SLC25A21: variants seen among roughly 807,000 people sequenced by gnomAD.
SLC25A21 encodes mitochondrial 2-oxodicarboxylate carrier.
A neutral mutation model predicts 43.8 loss-of-function variants in SLC25A21; 47 were observed. The ratio of observed to expected loss-of-function variants is 1.07; its 90% CI spans 0.85 to 1.37. SLC25A21 has a LOEUF of 1.37. Among genes scored for constraint, SLC25A21 ranks in the 40% most tolerant of loss-of-function variants. SLC25A21 has a pLI of 0.00. For missense variants in SLC25A21, 352 were observed against 350.2 expected, an observed-to-expected ratio of 1.00 and a Z score of -0.04; for synonymous variants, 131 against 121.3, an observed-to-expected ratio of 1.08 and a Z score of -0.52.
Position 36,679,762 on chromosome 14 carries a change from G to GTATT in SLC25A21, c.*892_*895dup, listed in dbSNP as rs1555318199. The GTATT allele has an allele frequency of 8.1e-6, 8 of 985,346 alleles. No homozygotes were observed. Among genetic ancestry groups the GTATT allele is most frequent in the Non-Finnish European group, 9.6e-6 (8 of 829,852 alleles). The allele number at this position is 985,346 out of a possible 1,614,324, so 61.0% of individuals were successfully genotyped here. A position where few individuals can be genotyped will look rare whatever the true frequency, so the allele number is the denominator to read the frequency against. On this transcript the variant is annotated 3_prime_UTR_variant, in exon 10 of 10. Coordinates refer to ENST00000331299, the MANE Select transcript of SLC25A21 (RefSeq NM_030631.4). Reference sequence around the variant, plus strand: ...GCACAGGTAGGCATGCTGAATAAAGGTATTTGGATGCAAATACTGATGGCT... The same window carrying GTATT: ...GCACAGGTAGGCATGCTGAATAAAGGTATTTATTTGGATGCAAATACTGATGGCT...
At chr14:36,980,001 G>A (rs991837427) in intron 1 of SLC25A21, among the ~76,000 whole-genome samples, 3 of 152,180 alleles carry the variant, frequency 2.0e-5, no homozygotes, top group African/African-American at 7.2e-5. Flanking sequence ...ACCTAGTCCA[G>A]TGCTTCAATG....
intron 1 of SLC25A21, among the ~76,000 whole-genome samples, chr14:37,121,916 C>T (rs78484366): frequency 0.057 from 8,620 of 152,208 alleles, 830 homozygotes; most frequent in African/African-American, 0.2. Flanking sequence ...AGAACCATCT[C>T]GTGAGAGTCC....
At chr14:36,846,780 G>A (rs1889559105) in intron 2 of SLC25A21, among the ~76,000 whole-genome samples, 1 of 152,188 alleles carries the variant, frequency 6.6e-6, no homozygotes, top group Non-Finnish European at 1.5e-5. Flanking sequence ...TCTAGTCCTG[G>A]TGACACAGGA....
At chr14:36,768,933 C>CAAAA (rs3061623) in intron 3 of SLC25A21, among the ~76,000 whole-genome samples, 39 of 126,088 alleles carry the variant, frequency 3.1e-4, no homozygotes, top group African/African-American at 7.9e-4. Context: ...CTGTCTCTAC[C>CAAAA]AAAAAAAAAA....
intron 1 of SLC25A21, among the ~76,000 whole-genome samples, chr14:36,893,266 C>T (rs185361887): frequency 1.8e-3 from 267 of 152,210 alleles, no homozygotes; most frequent in African/African-American, 6.1e-3. Context: ...TGATATCTCA[C>T]TGTGGTTTTG....
At chr14:37,022,003 C>T (rs985335687) in intron 1 of SLC25A21, among the ~76,000 whole-genome samples, 9 of 151,526 alleles carry the variant, frequency 5.9e-5, no homozygotes, top group African/African-American at 2.2e-4. Context: ...CAAAGGTGTG[C>T]CAGGGGCATT....
At chr14:36,932,061 A>G (rs1159731598) in intron 1 of SLC25A21, among the ~76,000 whole-genome samples, 2 of 152,102 alleles carry the variant, frequency 1.3e-5, no homozygotes, top group Non-Finnish European at 2.9e-5. Flanking sequence ...AGAGTCATTT[A>G]ATCTTTCTGT....
At chr14:36,856,370 C>A (rs528256310) in intron 2 of SLC25A21, among the ~76,000 whole-genome samples, 13 of 152,276 alleles carry the variant, frequency 8.5e-5, no homozygotes, top group African/African-American at 2.9e-4. Flanking sequence ...AGCGGTCAGG[C>A]CAGTCCTGAT....
chr14:37,138,268 C>T (rs1185479899), intron 1 of SLC25A21, among the ~76,000 whole-genome samples: 2 of 152,094 alleles, frequency 1.3e-5, no homozygotes, highest in Admixed American at 1.3e-4. Context: ...AGAAAAACAA[C>T]AAACACTAGT....
intron 1 of SLC25A21, among the ~76,000 whole-genome samples, chr14:37,072,179 C>CAA (rs36060373): frequency 0.073 from 5,723 of 78,756 alleles, 396 homozygotes; most frequent in African/African-American, 0.14. Flanking sequence ...GAGACTGTCT[C>CAA]AAAAAAAAAA....
chr14:36,735,504 C>T (rs145862929), intron 3 of SLC25A21, among the ~76,000 whole-genome samples: 910 of 90,208 alleles, frequency 0.01, 10 homozygotes, highest in African/African-American at 0.042. Flanking sequence ...ATCCAGCTAA[C>T]ATGGGGCTGC....
At chr14:36,899,578 G>A (rs1313285342) in intron 1 of SLC25A21, among the ~76,000 whole-genome samples, 1 of 152,222 alleles carries the variant, frequency 6.6e-6, no homozygotes, top group South Asian at 2.1e-4. Context: ...AGCTGCATCT[G>A]AGGTTTCTCT....
chr14:36,868,784 ACCTCTGCAAGCCTGGTTT>A (rs1218980568), intron 2 of SLC25A21, among the ~76,000 whole-genome samples: 1 of 152,128 alleles, frequency 6.6e-6, no homozygotes, highest in African/African-American at 2.4e-5. Context: ...GAAGGGGCTG[ACCTCTGCAAGCCTGGTTT>A]CCCAGACTTC....
intron 2 of SLC25A21, among the ~76,000 whole-genome samples, chr14:36,838,710 G>A (rs934544054): frequency 6.6e-6 from 1 of 152,184 alleles, no homozygotes; most frequent in African/African-American, 2.4e-5. Flanking sequence ...CAGTATCACA[G>A]AGCTACTACT....
chr14:36,723,447 G>C (rs540004776), intron 6 of SLC25A21, among the ~76,000 whole-genome samples: 2 of 152,266 alleles, frequency 1.3e-5, no homozygotes, highest in East Asian at 3.9e-4. Context: ...GCATCTAATT[G>C]ATTTTATTCT....
At chr14:37,020,372 T>C (rs1960958317) in intron 1 of SLC25A21, among the ~76,000 whole-genome samples, 1 of 151,454 alleles carries the variant, frequency 6.6e-6, no homozygotes. Flanking sequence ...GCAAAATACA[T>C]GAAACTTAGT....
At chr14:36,961,431 G>A (rs1444857619) in intron 1 of SLC25A21, among the ~76,000 whole-genome samples, 1 of 152,136 alleles carries the variant, frequency 6.6e-6, no homozygotes, top group Admixed American at 6.5e-5. Context: ...TGTTTTTAAT[G>A]AAGGACATCC....
At chr14:36,958,562 A>G (rs17177940) in intron 1 of SLC25A21, among the ~76,000 whole-genome samples, 2,476 of 152,276 alleles carry the variant, frequency 0.016, 30 homozygotes, top group Middle Eastern at 0.037. Context: ...TTCCTTGTGG[A>G]AACTAGCCTT....
chr14:36,791,894 C>A (rs551488856), intron 3 of SLC25A21, among the ~76,000 whole-genome samples: 2 of 152,148 alleles, frequency 1.3e-5, no homozygotes, highest in South Asian at 4.1e-4. Flanking sequence ...CGGGAGGCTT[C>A]TGGGAGCCAA....
Sources: allele counts gnomAD v4.1 joint callset (sites outside exome capture counted in the v4.1 genomes callset), GRCh38; gene constraint gnomAD v4.1.1; transcripts MANE v1.5; gene names NCBI Gene and HGNC (gene_info 2026-07-23, HGNC 2026-07-21).